Variants in RANBP17 observed in about 807,000 individuals in gnomAD.
The protein encoded by RANBP17 is RAN binding protein 17.
A neutral mutation model predicts 141.2 loss-of-function variants in RANBP17; 158 were observed. The ratio of observed to expected loss-of-function variants is 1.12; its 90% CI spans 0.98 to 1.28. The LOEUF is 1.28. Ranked by LOEUF, RANBP17 falls within the 50% of genes most tolerant of loss-of-function variation. The pLI is 0.00. For synonymous variants in RANBP17, 430 were observed against 450.0 expected (o/e 0.96, Z 0.56); for missense variants, 1,438 against 1,290.7 (o/e 1.11, Z -1.75).
rs140577172 is a variant in RANBP17, at chr5:171,255,907, T to C, written c.2777-9774T>C. ...TTATTGTAACTAAAAAAGTAAATAT[T>C]CTAAATTAAATCCCACTTCTTAAAT... On this transcript the variant is annotated intron_variant, in intron 24 of 27. Coordinates refer to ENST00000523189, the MANE Select transcript of RANBP17 (RefSeq NM_022897.5). Among the ~76,000 whole-genome samples, 3 of 152,318 alleles carry C rather than the reference T, an allele frequency of 2.0e-5. No homozygotes were observed. In the East Asian group the frequency reaches 5.8e-4, roughly 29 times the overall value.
At chr5:171,227,463 T>G (rs1312099378) in intron 22 of RANBP17, among the ~76,000 whole-genome samples, 1 of 152,144 alleles carries the variant, frequency 6.6e-6, no homozygotes, top group Non-Finnish European at 1.5e-5. Context: ...AGAAGAAAAG[T>G]TGGAAGCTAG....
chr5:171,209,765 G>A (rs1029886907), intron 20 of RANBP17, among the ~76,000 whole-genome samples: 3 of 152,182 alleles, frequency 2.0e-5, no homozygotes, highest in African/African-American at 7.2e-5. Flanking sequence ...AAGAGGAAAG[G>A]CTTCCAGCAG....
intron 14 of RANBP17, among the ~76,000 whole-genome samples, chr5:171,123,416 C>A (rs1315480965): frequency 1.3e-5 from 2 of 152,236 alleles, no homozygotes; most frequent in African/African-American, 2.4e-5. Context: ...CCAATGCTGG[C>A]ACACATGTAT....
intron 12 of RANBP17, among the ~76,000 whole-genome samples, chr5:170,950,955 A>G (rs1031830202): frequency 6.6e-6 from 1 of 152,124 alleles, no homozygotes; most frequent in African/African-American, 2.4e-5. Flanking sequence ...GTTAAGTGAA[A>G]TAAGCCTGGC....
At chr5:171,011,779 A>G (rs1780053152) in intron 14 of RANBP17, among the ~76,000 whole-genome samples, 1 of 151,966 alleles carries the variant, frequency 6.6e-6, no homozygotes, top group East Asian at 1.9e-4. Flanking sequence ...TGATATAGGA[A>G]TATTATTTAA....
At chr5:171,088,542 A>G (rs1029756908) in intron 14 of RANBP17, among the ~76,000 whole-genome samples, 6 of 152,148 alleles carry the variant, frequency 3.9e-5, no homozygotes, top group African/African-American at 1.4e-4. Flanking sequence ...CTCCTGGATA[A>G]TATCCTGCAG....
At chr5:171,096,831 C>G (rs1344332954) in intron 14 of RANBP17, among the ~76,000 whole-genome samples, 1 of 152,018 alleles carries the variant, frequency 6.6e-6, no homozygotes, top group South Asian at 2.1e-4. Flanking sequence ...ACTTTATCAA[C>G]AACAACAACA....
intron 13 of RANBP17, among the ~76,000 whole-genome samples, chr5:170,965,721 T>C (rs2127524248): frequency 6.6e-6 from 1 of 152,270 alleles, no homozygotes; most frequent in Middle Eastern, 3.4e-3. Flanking sequence ...ATATGCAGCG[T>C]TATTTCTGAG....
At chr5:171,242,528 T>C (rs557294438) in intron 23 of RANBP17, among the ~76,000 whole-genome samples, 154 bp from the exon 24 acceptor site, 40 of 152,330 alleles carry the variant, frequency 2.6e-4, no homozygotes, top group African/African-American at 8.7e-4. Flanking sequence ...AAATGCTGGA[T>C]TGGGACTCAT....
At chr5:170,979,569 G>A (rs971522764) in intron 14 of RANBP17, among the ~76,000 whole-genome samples, 1 of 152,130 alleles carries the variant, frequency 6.6e-6, no homozygotes, top group South Asian at 2.1e-4. Context: ...TTCCTATGCT[G>A]TTCTCATGGT....
chr5:171,029,029 C>T, intron 14 of RANBP17: 1 of 957,210 alleles, frequency 1.0e-6, no homozygotes, highest in Non-Finnish European at 1.4e-6. Flanking sequence ...CAGTTCTTTT[C>T]TGGTCAGGTA....
At chr5:171,180,840 G>C (rs1760817226) in intron 16 of RANBP17, among the ~76,000 whole-genome samples, 1 of 152,126 alleles carries the variant, frequency 6.6e-6, no homozygotes, top group Non-Finnish European at 1.5e-5. Context: ...TTTGACAGAT[G>C]AGATTCTTCC....
chr5:171,057,113 A>G (rs1783443655), intron 14 of RANBP17, among the ~76,000 whole-genome samples: 1 of 152,158 alleles, frequency 6.6e-6, no homozygotes. Flanking sequence ...AGCCTTTTAC[A>G]GCTTTTGTGA....
intron 3 of RANBP17, among the ~76,000 whole-genome samples, chr5:170,886,101 A>G (rs1266711768): frequency 6.6e-6 from 1 of 152,054 alleles, no homozygotes; most frequent in Non-Finnish European, 1.5e-5. Flanking sequence ...GTTCTCTTCC[A>G]TAGTGTTGAC....
Position 171,293,930 on chromosome 5 carries a change from C to T in RANBP17, c.2991C>T (p.Asn997=). Residue 997 remains asparagine (N), a synonymous_variant, in exon 26 of 28, where the codon AAC becomes AAT. Transcript: ENST00000523189. ...MNTIVFEDCR[N]QWSVSRPLLG... is the part of the protein sequence containing the mutation. ...CCATTGTCTTTGAAGACTGTCGGAA[C>T]CAGTGGTCAGTATCCAGGCCTCTCC... 1.2e-6 allele frequency: 2 copies of T among 1,613,918 alleles called. No homozygotes were observed. The highest frequency in any genetic ancestry group is 3.3e-5 in the Admixed American group (2 of 60,014).
intron 8 of RANBP17, among the ~76,000 whole-genome samples, chr5:170,916,177 A>G (rs1403181590): frequency 1.3e-5 from 1 of 74,412 alleles, no homozygotes; most frequent in Non-Finnish European, 3.1e-5. Flanking sequence ...TCTATATTGC[A>G]TTATAATGCG....
Position 171,089,307 on chromosome 5 carries a change from T to A in RANBP17, c.1711-80823T>A, listed in dbSNP as rs563776510. 5.0e-4 allele frequency among the ~76,000 whole-genome samples: 54 copies of A among 108,576 alleles called. 2 individuals are homozygous for A. Among genetic ancestry groups the A allele is most frequent in the Admixed American group, 2.2e-3 (24 of 10,676 alleles). The allele number at this position is 108,576 out of a possible 152,430, so 71.2% of individuals were successfully genotyped here. A position where few individuals can be genotyped will look rare whatever the true frequency, so the allele number is the denominator to read the frequency against. On this transcript the variant is annotated intron_variant, in intron 14 of 27. Transcript: ENST00000523189. ...GTCAGGGACCCACTTGAGGAGGCAGTCTGCCCGTTCTCAGATCTCCAGCTG... is the reference window on the plus strand; with the variant it reads ...GTCAGGGACCCACTTGAGGAGGCAGACTGCCCGTTCTCAGATCTCCAGCTG...
intron 14 of RANBP17, among the ~76,000 whole-genome samples, chr5:171,133,435 A>G (rs1297141966): frequency 6.6e-6 from 1 of 152,176 alleles, no homozygotes; most frequent in African/African-American, 2.4e-5. Context: ...GTATTTGCCA[A>G]CTTCATGCAT....
At chr5:171,112,491 G>A (rs1755307690) in intron 14 of RANBP17, among the ~76,000 whole-genome samples, 1 of 151,710 alleles carries the variant, frequency 6.6e-6, no homozygotes, top group Non-Finnish European at 1.5e-5. Context: ...TATGCAGCAA[G>A]CAGGTCATTG....
Sources: gnomAD v4.1 joint callset for allele counts (sites outside exome capture counted in the v4.1 genomes callset) on GRCh38, gnomAD v4.1.1 for gene constraint, MANE v1.5 for transcripts, NCBI Gene and HGNC (gene_info 2026-07-23, HGNC 2026-07-21) for gene names.